The following TERB2 variants were observed in gnomAD, a reference collection of about 807,000 sequenced individuals.
TERB2 encodes the protein telomere repeat binding bouquet formation protein 2.
In TERB2, 26 loss-of-function variants were observed where a neutral mutation model predicts 29.8. The observed-to-expected ratio is 0.87, with a 90% CI of 0.64 to 1.21. TERB2 has a LOEUF of 1.21. Ranked by LOEUF, TERB2 falls within the 50% of genes most tolerant of loss-of-function variation. The probability of loss-of-function intolerance (pLI) is 0.00; values close to 1 mark genes in which losing one functional copy is unlikely to be tolerated. For synonymous variants in TERB2, 80 were observed against 90.8 expected (o/e 0.88, Z 0.68); for missense variants, 240 against 268.6 (o/e 0.89, Z 0.74).
intron 4 of TERB2, 29 bp downstream of exon 4, chr15:44,961,613 C>T (rs74728899): frequency 7.0e-7 from 1 of 1,428,696 alleles, no homozygotes; most frequent in Admixed American, 2.1e-5. Flanking sequence ...ACTTGATTAG[C>T]ATCTACAGCT....
At chr15:44,961,115 GAT>G (rs1158051316) in intron 3 of TERB2, among the ~76,000 whole-genome samples, 2 of 149,476 alleles carry the variant, frequency 1.3e-5, no homozygotes, top group Non-Finnish European at 3.0e-5. Flanking sequence ...TAATGATACA[GAT>G]ATAGATATTG....
chr15:44,971,484 G>A (rs527894408), intron 5 of TERB2, among the ~76,000 whole-genome samples: 5 of 152,184 alleles, frequency 3.3e-5, no homozygotes, highest in African/African-American at 4.8e-5. Context: ...AGCTGGGTGC[G>A]GTGGCTCACG....
intron 6 of TERB2, among the ~76,000 whole-genome samples, chr15:44,975,456 T>C (rs1210899374): frequency 6.6e-6 from 1 of 152,118 alleles, no homozygotes; most frequent in Non-Finnish European, 1.5e-5. Context: ...AAAACTTCAC[T>C]ATCTCTTCTT....
chr15:44,964,250 C>G (rs934005519), intron 4 of TERB2, among the ~76,000 whole-genome samples: 1 of 151,994 alleles, frequency 6.6e-6, no homozygotes, highest in Non-Finnish European at 1.5e-5. Flanking sequence ...ACATTATGTC[C>G]AAAATCAGGC....
chr15:44,974,060 C>A, intron 6 of TERB2, 105 bp downstream of exon 6: 1 of 1,144,524 alleles, frequency 8.7e-7, no homozygotes, highest in Non-Finnish European at 1.1e-6. Context: ...GTAGAGCCTT[C>A]TCTAGTAAGC....
chr15:44,972,345 G>A (rs574887710), intron 5 of TERB2, among the ~76,000 whole-genome samples: 9 of 151,906 alleles, frequency 5.9e-5, no homozygotes, highest in Admixed American at 2.0e-4. Context: ...TAGATTTTTA[G>A]GAAAATAATA....
At chr15:44,965,967 A>T (rs1332430869) in intron 4 of TERB2, among the ~76,000 whole-genome samples, 191 bp from the exon 5 acceptor site, 4 of 152,066 alleles carry the variant, frequency 2.6e-5, no homozygotes, top group Non-Finnish European at 4.4e-5. Context: ...ATATAGTATA[A>T]TTATATGTGT....
intron 3 of TERB2, among the ~76,000 whole-genome samples, chr15:44,961,211 TATATAC>T (rs1230511308): frequency 6.9e-5 from 10 of 145,518 alleles, no homozygotes; most frequent in South Asian, 2.2e-4. Context: ...TATATATATA[TATATAC>T]ACACACACAC....
At chr15:44,960,826 T>C (rs1174619187) in intron 3 of TERB2, among the ~76,000 whole-genome samples, 1 of 152,036 alleles carries the variant, frequency 6.6e-6, no homozygotes, top group African/African-American at 2.4e-5. Flanking sequence ...TTGAGATCAT[T>C]GAGTTTGGAT....
Position 44,973,968 on chromosome 15 carries a change from A to T in TERB2, c.523+13A>T, listed in dbSNP as rs201375705. ...AACATGGTAACAGGTAGTTTAAAAT[A>T]AAATTTAGAGTAAACTCAGGTAGGA... On this transcript the variant is annotated intron_variant, in intron 6 of 6. Coordinates refer to ENST00000340827, the MANE Select transcript of TERB2 (RefSeq NM_152448.3). The T allele has an allele frequency of 1.3e-6, 2 of 1,543,384 alleles. No homozygotes were observed. Among genetic ancestry groups the T allele is most frequent in the Non-Finnish European group, 1.8e-6 (2 of 1,141,158 alleles).
At chr15:44,975,428 GTATC>G (rs1892031628) in intron 6 of TERB2, among the ~76,000 whole-genome samples, 1 of 152,004 alleles carries the variant, frequency 6.6e-6, no homozygotes, top group Non-Finnish European at 1.5e-5. Context: ...TTAGGCTGTG[GTATC>G]AATTTTTGTG....
intron 5 of TERB2, among the ~76,000 whole-genome samples, chr15:44,972,675 C>T (rs570328805): frequency 6.6e-6 from 1 of 151,670 alleles, no homozygotes; most frequent in African/African-American, 2.4e-5. Context: ...GCCACCACAC[C>T]TGGCTAATTT....
chr15:44,963,045 A>G (rs1891830777), intron 4 of TERB2: 1 of 152,240 alleles, frequency 6.6e-6, no homozygotes, highest in African/African-American at 2.4e-5. Flanking sequence ...TTTCTTTTAC[A>G]TAAATAGCAG....
chr15:44,978,452 T>G, intron 6 of TERB2, 37 bp from the exon 7 acceptor site: 1 of 1,540,126 alleles, frequency 6.5e-7, no homozygotes, highest in South Asian at 1.3e-5. Flanking sequence ...ATGAGCGGGT[T>G]TTAAGTATAT....
intron 2 of TERB2, among the ~76,000 whole-genome samples, chr15:44,957,637 A>G (rs1287392027): frequency 6.6e-6 from 1 of 152,164 alleles, no homozygotes; most frequent in Admixed American, 6.5e-5. Context: ...ACTGACACTA[A>G]CTTAGTAGCA....
At chr15:44,968,604 T>C (rs1891923257) in intron 5 of TERB2, among the ~76,000 whole-genome samples, 1 of 143,354 alleles carries the variant, frequency 7.0e-6, no homozygotes, top group African/African-American at 2.6e-5. Context: ...TTTTTTTTTT[T>C]TTTTTTTGAG....
chr15:44,978,400 G>A (rs958084752), intron 6 of TERB2, 89 bp from the exon 7 acceptor site: 4 of 1,369,630 alleles, frequency 2.9e-6, no homozygotes, highest in Middle Eastern at 2.2e-4. Context: ...TTCTTTAGAA[G>A]TCTTAACTCT....
intron 4 of TERB2, among the ~76,000 whole-genome samples, chr15:44,965,536 A>G (rs1240313496): frequency 6.9e-6 from 1 of 144,284 alleles, no homozygotes; most frequent in Non-Finnish European, 1.5e-5. Flanking sequence ...TATATATTAT[A>G]CATTTATATA....
chr15:44,956,931 G>A lies in TERB2; in HGVS notation c.100G>A (p.Ala34Thr). 5.0e-6 allele frequency: 8 copies of A among 1,613,986 alleles called. No homozygotes were observed. Among genetic ancestry groups the A allele is most frequent in the South Asian group, 1.1e-5 (1 of 91,090 alleles). ...EGGTISDPRA[A>T]DFLFSCDASH... ...GGGAACGATCAGTGACCCGCGAGCC[G>A]CCGACTTCTTGTTCAGCTGTGATGC... Residue 34 changes from alanine (A) to threonine (T), a missense_variant, in exon 2 of 7, where the codon GCC (alanine) becomes ACC (threonine). Coordinates refer to ENST00000340827, the MANE Select transcript of TERB2 (RefSeq NM_152448.3).
Sources: allele counts gnomAD v4.1 joint callset (sites outside exome capture counted in the v4.1 genomes callset), GRCh38; gene constraint gnomAD v4.1.1; transcripts MANE v1.5; gene names NCBI Gene and HGNC (gene_info 2026-07-23, HGNC 2026-07-21).